Variants in NKX2-2 observed in about 807,000 individuals in gnomAD.
NKX2-2 encodes the protein NK2 homeobox 2, also known as homeobox protein Nkx-2.2.
Under a neutral mutation model 24.6 loss-of-function variants are expected in NKX2-2, and 8 were observed. The ratio of observed to expected loss-of-function variants is 0.32; its 90% CI spans 0.19 to 0.59. The LOEUF (loss-of-function observed/expected upper bound fraction) is 0.59. Ranked by LOEUF, NKX2-2 falls within the 20% of genes least tolerant of loss-of-function variation. The probability of loss-of-function intolerance (pLI) is 0.86; values close to 1 mark genes in which losing one functional copy is unlikely to be tolerated. For synonymous variants in NKX2-2, 217 were observed against 173.3 expected, an observed-to-expected ratio of 1.25 and a Z score of -1.98; for missense variants, 381 against 373.9, an observed-to-expected ratio of 1.02 and a Z score of -0.16.
chr20:21,514,750 T>G (rs1600262072), upstream of NKX2-2, among the ~76,000 whole-genome samples: 1 of 152,320 alleles, frequency 6.6e-6, no homozygotes, highest in East Asian at 1.9e-4. Flanking sequence ...GAGCCCAACT[T>G]CTGTAAGCCT....
At chr20:21,515,599 G>A (rs934656274), upstream of NKX2-2, among the ~76,000 whole-genome samples, 2 of 146,692 alleles carry the variant, frequency 1.4e-5, no homozygotes, top group Non-Finnish European at 3.0e-5. Context: ...AACTTTTTTG[G>A]GGGGGGGGTG....
At chr20:21,519,099 C>T in the NKX2-2 span, among the ~76,000 whole-genome samples, 2 of 152,226 alleles carry the variant, frequency 1.3e-5, no homozygotes, top group South Asian at 2.1e-4. Flanking sequence ...CCCTAGGCGG[C>T]ACACCTCACA....
Position 21,512,140 on chromosome 20 carries a change from C to A in NKX2-2, c.605G>T (p.Arg202Leu). The A allele has an allele frequency of 1.2e-6, 2 of 1,613,712 alleles. No individual in the cohort carries two copies. Among genetic ancestry groups the A allele is most frequent in the Non-Finnish European group, 1.7e-6 (2 of 1,179,880 alleles). Residue 202 changes from arginine to leucine, a missense_variant, in exon 2 of 2, where the codon CGG (arginine) becomes CTG (leucine). This residue lies in a region of NKX2-2 where 139 missense variants were observed against 121.7 expected (regional missense o/e 1.14). Coordinates refer to ENST00000377142, the MANE Select transcript of NKX2-2 (RefSeq NM_002509.4). ...CCTGACCAAGACGGGCACGGCCACC[C>A]GGCGCGGCGAGGGCAGGGGCGTCAC... ...MEVTPLPSPR[R>L]VAVPVLVRDG... is the part of the protein sequence containing the mutation.
At position 21,511,820 on chromosome 20, in the gene NKX2-2, T is replaced by G; in HGVS notation, c.*103A>C. 1.2e-6 allele frequency: 1 copy of G among 832,040 alleles called. No individual in the cohort carries two copies. The highest frequency in any genetic ancestry group is 1.7e-6 in the Non-Finnish European group (1 of 576,666). The allele number at this position is 832,040 out of a possible 1,614,324, so 51.5% of individuals were successfully genotyped here. A position where few individuals can be genotyped will look rare whatever the true frequency, so the allele number is the denominator to read the frequency against. On this transcript the variant is annotated 3_prime_UTR_variant, in exon 2 of 2. Transcript: ENST00000377142. ...GTCAACTCGACTCCATAATAATAAT[T>G]ATAATAATAATAATAACCACCATAA...
chr20:21,518,752 C>A (rs1980701406), upstream of NKX2-2, among the ~76,000 whole-genome samples: 1 of 152,204 alleles, frequency 6.6e-6, no homozygotes, highest in Non-Finnish European at 1.5e-5. Context: ...TGTGGGGGTG[C>A]GCTCTAAACA....
upstream of NKX2-2, among the ~76,000 whole-genome samples, chr20:21,515,543 G>C (rs1980611638): frequency 6.6e-6 from 1 of 151,862 alleles, no homozygotes; most frequent in South Asian, 2.1e-4. Context: ...TCGGCGCTGG[G>C]GTTGGAAAAG....
At chr20:21,512,725 C>T (rs1980486591) in intron 1 of NKX2-2, among the ~76,000 whole-genome samples, 1 of 151,744 alleles carries the variant, frequency 6.6e-6, no homozygotes, top group Non-Finnish European at 1.5e-5. Flanking sequence ...TCAAGGGGCT[C>T]ACATAGTGTG....
Position 21,513,497 on chromosome 20 carries a change from C to T in NKX2-2, c.173G>A (p.Ser58Asn), listed in dbSNP as rs1980517881. ...LGQGALDAVQ[S>N]LPLKNPFYDS... is the part of the protein sequence containing the mutation. ...GTAGAAGGGGTTCTTCAGGGGCAGG[C>T]TCTGCACCGCGTCCAGGGCGCCCTG... is the stretch of plus-strand genomic sequence containing the variant. Residue 58 changes from serine (S) to asparagine (N), a missense_variant, in exon 1 of 2, where the codon AGC becomes AAC. Physicochemically the swap from Ser to Asn is conservative, Grantham distance 46. This residue lies in a region of NKX2-2 where 206 missense variants were observed against 173.1 expected (regional missense o/e 1.19). Transcript: ENST00000377142. The surrounding 1 kb of genome is among the most constrained non-coding windows in gnomAD (Gnocchi z 4.6). 4 of 1,612,438 alleles carry T rather than the reference C, an allele frequency of 2.5e-6. No individual in the cohort carries two copies. Among genetic ancestry groups the T allele is most frequent in the East Asian group, 4.5e-5 (2 of 44,692 alleles).
chr20:21,518,324 A>C (rs1461370472), upstream of NKX2-2, among the ~76,000 whole-genome samples: 2 of 152,144 alleles, frequency 1.3e-5, no homozygotes. Context: ...TTCCGTACAC[A>C]TCTCTAGCTC....
chr20:21,512,061 G>A lies in NKX2-2; in HGVS notation c.684C>T (p.Phe228=). 1 of 1,613,838 alleles carries A rather than the reference G, an allele frequency of 6.2e-7. No homozygotes were observed. Among genetic ancestry groups the A allele is most frequent in the Middle Eastern group, 1.7e-4 (1 of 6,054 alleles). Residue 228 remains phenylalanine, a synonymous_variant, in exon 2 of 2, where the codon TTC becomes TTT. Transcript: ENST00000377142. ...AGGCAGAAAAGGGAATGCCCGCCTG[G>A]AAGGTGGCGGCTGCCAGGTCCTGGG... ...LKAQDLAAAT[F]QAGIPFSAYS... is the part of the protein sequence containing the mutation.
the NKX2-2 span, among the ~76,000 whole-genome samples, chr20:21,519,890 C>T: frequency 6.6e-6 from 1 of 152,134 alleles, no homozygotes; most frequent in South Asian, 2.1e-4. Context: ...AGACCGTGCC[C>T]GGCAGATCTC....
chr20:21,519,651 A>G, the NKX2-2 span, among the ~76,000 whole-genome samples: 1 of 152,346 alleles, frequency 6.6e-6, no homozygotes. Context: ...GTCAGCTCTC[A>G]CGTCCTGGAT....
At chr20:21,515,878 G>A (rs1327941983), upstream of NKX2-2, among the ~76,000 whole-genome samples, 1 of 152,218 alleles carries the variant, frequency 6.6e-6, no homozygotes, top group East Asian at 1.9e-4. Context: ...CCGCTCGGCG[G>A]CTTTCTGCAG....
chr20:21,522,139 C>T, the NKX2-2 span, among the ~76,000 whole-genome samples: 1 of 152,254 alleles, frequency 6.6e-6, no homozygotes, highest in Non-Finnish European at 1.5e-5. Flanking sequence ...GGGCCCTGCC[C>T]GTCCTCGAGT....
Position 21,512,311 on chromosome 20 carries a change from C to A in NKX2-2, c.434G>T (p.Arg145Leu). 6.2e-7 allele frequency: 1 copy of A among 1,613,502 alleles called. No individual in the cohort carries two copies. Among genetic ancestry groups the A allele is most frequent in the Non-Finnish European group, 8.5e-7 (1 of 1,179,858 alleles). The change falls in exon 2 of 2, where the codon CGG (arginine) becomes CTG (leucine). Residue 145 changes from arginine (R) to leucine (L), a missense_variant. Physicochemically the swap from Arg to Leu is moderately radical, Grantham distance 102. Around this residue, in one of 3 missense-constraint regions of NKX2-2, gnomAD observed 36 missense variants for 79.2 expected, o/e 0.45. Coordinates refer to ENST00000377142, the MANE Select transcript of NKX2-2 (RefSeq NM_002509.4). Reference protein sequence around the residue: ...FSKAQTYELERRFRQQRYLSA... With the variant: ...FSKAQTYELELRFRQQRYLSA... ...CAGGTACCGCTGCTGCCGAAAGCGC[C>A]GCTCCAGCTCGTAGGTCTGCGCCTT...
the NKX2-2 span, among the ~76,000 whole-genome samples, chr20:21,522,660 G>A: frequency 6.6e-6 from 1 of 151,612 alleles, no homozygotes. Flanking sequence ...GGAGTCGCGG[G>A]CGGTCGGGCG....
the NKX2-2 span, among the ~76,000 whole-genome samples, chr20:21,520,688 C>G: frequency 6.6e-6 from 1 of 152,168 alleles, no homozygotes; most frequent in South Asian, 2.1e-4. Context: ...CCTGTCCCAG[C>G]CAATCCATTA....
upstream of NKX2-2, among the ~76,000 whole-genome samples, chr20:21,517,184 T>A (rs375687948): frequency 5.3e-5 from 8 of 152,306 alleles, no homozygotes; most frequent in South Asian, 1.0e-3. Flanking sequence ...ACCAGCCGAA[T>A]CCTTCTGGGT....
chr20:21,511,537 T>A lies in NKX2-2; in HGVS notation c.*386A>T, dbSNP rs1980428003. ...AATATCGCTACTCACACAAACATAT[T>A]TTACAAAATGCACGAAAGCAGGGGT... On this transcript the variant is annotated 3_prime_UTR_variant, in exon 2 of 2. Transcript: ENST00000377142. 1 of 177,366 alleles carries A rather than the reference T, an allele frequency of 5.6e-6. No individual in the cohort carries two copies. Among genetic ancestry groups the A allele is most frequent in the South Asian group, 2.0e-4 (1 of 5,090 alleles). The allele number at this position is 177,366 out of a possible 1,614,324, so 11.0% of individuals were successfully genotyped here. A position where few individuals can be genotyped will look rare whatever the true frequency, so the allele number is the denominator to read the frequency against.
Sources: allele counts gnomAD v4.1 joint callset (sites outside exome capture counted in the v4.1 genomes callset), GRCh38; gene constraint gnomAD v4.1.1; regional missense constraint gnomAD v4.1.1; non-coding constraint Gnocchi (gnomAD v3.1); transcripts MANE v1.5; gene names NCBI Gene and HGNC (gene_info 2026-07-23, HGNC 2026-07-21).